The following DNMT3B variants were observed in gnomAD, a reference collection of about 807,000 sequenced individuals.
The protein encoded by DNMT3B is DNA (cytosine-5)-methyltransferase 3B.
DNMT3B carries 37 observed loss-of-function variants against 120.2 expected under a neutral mutation model. The observed-to-expected ratio is 0.31, with a 90% CI of 0.24 to 0.40. The LOEUF is 0.40. DNMT3B is among the 10% of genes least tolerant of loss of function. The pLI, the probability that DNMT3B is intolerant of heterozygous loss-of-function variation, is 1.00. For synonymous variants in DNMT3B, 412 were observed against 442.8 expected (o/e 0.93, Z 0.87); for missense variants, 878 against 1,137.3 (o/e 0.77, Z 3.28).
At chr20:32,807,733 T>A (rs1982122692) in intron 22 of DNMT3B, 29 bp from the exon 23 acceptor site, 2 of 1,613,488 alleles carry the variant, frequency 1.2e-6, no homozygotes, top group East Asian at 4.5e-5. Context: ...CACTTCTGAC[T>A]TGCTGTCTTT....
At chr20:32,800,969 C>T in intron 18 of DNMT3B, 44 bp downstream of exon 18, 1 of 1,607,462 alleles carries the variant, frequency 6.2e-7, no homozygotes. Flanking sequence ...GCCTATGTCA[C>T]CTGACCACTG....
Position 32,786,540 on chromosome 20 carries a change from G to C in DNMT3B, c.345G>C (p.Glu115Asp), listed in dbSNP as rs761700747. 38 of 1,613,924 alleles carry C rather than the reference G, an allele frequency of 2.4e-5. No individual in the cohort carries two copies. The highest frequency in any genetic ancestry group is 3.1e-5 in the Non-Finnish European group (36 of 1,180,056). ...ATAACAACAGTGTCTCCAGCCGGGA[G>C]AGGCACAGGCCTTCCCCACGTTCCA... Reference protein sequence around the residue: ...TRNNNSVSSRERHRPSPRSTR... With the variant: ...TRNNNSVSSRDRHRPSPRSTR... Residue 115 changes from glutamate to aspartate, a missense_variant, in exon 5 of 23, where the codon GAG becomes GAC. Coordinates refer to ENST00000328111, the MANE Select transcript of DNMT3B (RefSeq NM_006892.4).
chr20:32,806,198 T>C lies in DNMT3B; in HGVS notation c.2302-11T>C, dbSNP rs774967877. On this transcript the variant is annotated splice_polypyrimidine_tract_variant and intron_variant, in intron 21 of 22. Transcript: ENST00000328111. Reference sequence around the variant, plus strand: ...TCTGTGCTCACTCCATGATGTCATTTTGTTCTCCAGTTAAAGAAAGTACAG... The same window carrying C: ...TCTGTGCTCACTCCATGATGTCATTCTGTTCTCCAGTTAAAGAAAGTACAG... 6 of 1,613,162 alleles carry C rather than the reference T, an allele frequency of 3.7e-6. No homozygotes were observed. Among genetic ancestry groups the C allele is most frequent in the Admixed American group, 1.7e-5 (1 of 60,002 alleles).
chr20:32,785,623 G>C (rs1979176905), intron 4 of DNMT3B, among the ~76,000 whole-genome samples: 1 of 152,270 alleles, frequency 6.6e-6, no homozygotes, highest in South Asian at 2.1e-4. Context: ...GATATGGTCT[G>C]TATCATCCCC....
chr20:32,776,656 T>C (rs1243039966), intron 1 of DNMT3B, among the ~76,000 whole-genome samples: 2 of 152,214 alleles, frequency 1.3e-5, no homozygotes, highest in Non-Finnish European at 2.9e-5. Context: ...ACTTACCACA[T>C]TTAAAGGTTA....
chr20:32,763,586 G>C (rs1274025264), intron 1 of DNMT3B, among the ~76,000 whole-genome samples: 5 of 152,218 alleles, frequency 3.3e-5, no homozygotes, highest in Non-Finnish European at 7.3e-5. Context: ...TTCCCGGCTC[G>C]TGGTTGCATG....
intron 17 of DNMT3B, 66 bp from the exon 18 acceptor site, chr20:32,800,769 A>G: frequency 1.3e-6 from 2 of 1,553,102 alleles, no homozygotes; most frequent in South Asian, 2.2e-5. Context: ...GCAAGATTCT[A>G]GAAGTGGGTC....
At chr20:32,775,407 G>A (rs12185796) in intron 1 of DNMT3B, among the ~76,000 whole-genome samples, 7 of 152,214 alleles carry the variant, frequency 4.6e-5, no homozygotes, top group African/African-American at 1.4e-4. Flanking sequence ...TCAGTTCTCA[G>A]CATTACTGCT....
intron 1 of DNMT3B, among the ~76,000 whole-genome samples, chr20:32,763,209 G>A (rs1482032419): frequency 6.6e-6 from 1 of 152,230 alleles, no homozygotes; most frequent in Non-Finnish European, 1.5e-5. Context: ...ACTGGGATGT[G>A]GGGTCTTCAG....
intron 21 of DNMT3B, 115 bp from the exon 22 acceptor site, chr20:32,806,094 C>A: frequency 1.0e-6 from 1 of 953,158 alleles, no homozygotes; most frequent in Non-Finnish European, 1.7e-6. Context: ...CCCAGCCCTG[C>A]CACTCTTCTG....
At chr20:32,803,755 AAC>A (rs1981650758) in intron 20 of DNMT3B, among the ~76,000 whole-genome samples, 1 of 152,158 alleles carries the variant, frequency 6.6e-6, no homozygotes, top group Non-Finnish European at 1.5e-5. Context: ...GATGATGGGA[AAC>A]ATCCCCAGAC....
chr20:32,805,590 G>A (rs1012361794), intron 21 of DNMT3B, among the ~76,000 whole-genome samples, 183 bp downstream of exon 21: 1 of 151,842 alleles, frequency 6.6e-6, no homozygotes, highest in Admixed American at 6.6e-5. Context: ...GGAGACATTC[G>A]TGATAAGTAA....
intron 3 of DNMT3B, among the ~76,000 whole-genome samples, chr20:32,782,800 T>C (rs1978785141): frequency 6.6e-6 from 1 of 152,126 alleles, no homozygotes; most frequent in Admixed American, 6.6e-5. Flanking sequence ...CTTGCATGTA[T>C]CCCCCCTGGA....
At chr20:32,773,269 G>A (rs1464290057) in intron 1 of DNMT3B, among the ~76,000 whole-genome samples, 3 of 152,104 alleles carry the variant, frequency 2.0e-5, no homozygotes, top group Non-Finnish European at 2.9e-5. Flanking sequence ...ACCACGCCTA[G>A]TTTATTTTTT....
intron 1 of DNMT3B, among the ~76,000 whole-genome samples, chr20:32,770,908 G>A (rs1251861526): frequency 1.3e-5 from 2 of 152,170 alleles, no homozygotes; most frequent in Non-Finnish European, 1.5e-5. Context: ...CACCATGCCC[G>A]GCCTAAATTT....
chr20:32,762,956 G>C (rs1037725191), intron 1 of DNMT3B, among the ~76,000 whole-genome samples: 4 of 152,082 alleles, frequency 2.6e-5, no homozygotes, highest in Non-Finnish European at 5.9e-5. Context: ...AGATACTAGA[G>C]GAAGGGACGC....
At position 32,798,517 on chromosome 20, in the gene DNMT3B, C is replaced by T; in HGVS notation, c.1548C>T (p.Ala516=). The T allele has an allele frequency of 6.2e-7, 1 of 1,614,210 alleles. No individual in the cohort carries two copies. The highest frequency in any genetic ancestry group is 2.2e-5 in the East Asian group (1 of 44,872). ...TGGGCACAGGCACAGCGGCCGAGGC[C>T]AAGCTTCAGGAGCCCTGGAGCTGTT... ...VLVGTGTAAE[A]KLQEPWSCYM... The change falls in exon 15 of 23, where the codon GCC becomes GCT. Residue 516 remains alanine (A), a synonymous_variant. Transcript: ENST00000328111.
intron 19 of DNMT3B, 47 bp from the exon 20 acceptor site, chr20:32,802,338 A>C: frequency 6.2e-7 from 1 of 1,600,080 alleles, no homozygotes; most frequent in Non-Finnish European, 8.6e-7. Context: ...GTTGACACTG[A>C]AACTCTAATA....
chr20:32,807,250 C>A (rs369816052), intron 22 of DNMT3B, among the ~76,000 whole-genome samples: 1 of 152,130 alleles, frequency 6.6e-6, no homozygotes, highest in Non-Finnish European at 1.5e-5. Context: ...TCTTTCCAGG[C>A]CTGGTAGAAT....
Sources: gnomAD v4.1 joint callset for allele counts (sites outside exome capture counted in the v4.1 genomes callset) on GRCh38, gnomAD v4.1.1 for gene constraint, MANE v1.5 for transcripts, NCBI Gene and HGNC (gene_info 2026-07-23, HGNC 2026-07-21) for gene names.